ZNF184: variants seen among roughly 807,000 people sequenced by gnomAD.
The protein encoded by ZNF184 is zinc finger protein 184 (Kruppel-like).
In ZNF184, 16 loss-of-function variants were observed where a neutral mutation model predicts 54.4. The ratio of observed to expected loss-of-function variants is 0.29; its 90% confidence interval spans 0.20 to 0.45. The LOEUF is 0.45. Among genes scored for constraint, ZNF184 ranks in the 20% least tolerant of loss-of-function variants. ZNF184 has a pLI of 1.00. For synonymous variants in ZNF184, 254 were observed against 295.3 expected (o/e 0.86, Z 1.43); for missense variants, 681 against 888.2 (o/e 0.77, Z 2.97).
In ZNF184 at chr6:27,450,915, AC is replaced by A. The variant is rs1252669061; in HGVS notation, c.*387del. 6.3e-6 allele frequency: 1 copy of A among 158,018 alleles called. No individual in the cohort carries two copies. The highest frequency in any genetic ancestry group is 2.5e-5 in the African/African-American group (1 of 40,636). The allele number at this position is 158,018 out of a possible 1,614,324, so 9.8% of individuals were successfully genotyped here. A position where few individuals can be genotyped will look rare whatever the true frequency, so the allele number is the denominator to read the frequency against. On this transcript the variant is annotated 3_prime_UTR_variant, in exon 6 of 6. Coordinates refer to ENST00000683788, the MANE Select transcript of ZNF184 (RefSeq NM_001318891.2). ...AGATCCCCGATCTAGTTACTGAAGC[AC>A]AAATTCTATTGGCAAAACATGCATA...
chr6:27,467,869 G>C lies in ZNF184; in HGVS notation c.59C>G (p.Ser20Ter). 1.2e-5 allele frequency: 19 copies of C among 1,611,984 alleles called. No individual in the cohort carries two copies. Among genetic ancestry groups the C allele is most frequent in the Non-Finnish European group, 1.6e-5 (19 of 1,179,098 alleles). The change falls in exon 3 of 6, where the codon TCA (serine) becomes TGA (stop). Residue 20 changes from serine (S) to a stop codon, truncating the protein, a stop_gained. Coordinates refer to ENST00000683788, the MANE Select transcript of ZNF184 (RefSeq NM_001318891.2). LOFTEE classifies it high-confidence loss of function. ...ACATCTTACCTGAAAACTGGCTGAT[G>C]AGAGTAGATTATGTCCCCCTTGGAG... The part of the protein sequence containing the change: ...TLLQGGHNLL[S>*]SASFQEAVTF...
chr6:27,436,648 T>C, the ZNF184 span, among the ~76,000 whole-genome samples: 1 of 152,226 alleles, frequency 6.6e-6, no homozygotes, highest in Non-Finnish European at 1.5e-5. Flanking sequence ...GTATAATTCT[T>C]TTAATATGTT....
downstream of ZNF184, among the ~76,000 whole-genome samples, chr6:27,449,467 T>C (rs1762674759): frequency 6.6e-6 from 1 of 152,224 alleles, no homozygotes; most frequent in Non-Finnish European, 1.5e-5. Flanking sequence ...TCGATTTTAA[T>C]TTGGGGCCAA....
At chr6:27,423,739 A>G in the ZNF184 span, among the ~76,000 whole-genome samples, 51 of 152,356 alleles carry the variant, frequency 3.3e-4, 1 homozygote, top group African/African-American at 9.4e-4. Context: ...ATATACAAAG[A>G]AAGATTATGT....
Position 27,451,375 on chromosome 6 carries a change from A to G in ZNF184, c.2184T>C (p.Cys728=). The change falls in exon 6 of 6, where the codon TGT becomes TGC. Residue 728 remains cysteine (C), a synonymous_variant. Coordinates refer to ENST00000683788, the MANE Select transcript of ZNF184 (RefSeq NM_001318891.2). The part of the protein sequence containing the change: ...RIHSGEKPFG[C]NDCGKSFRYR... ...ATCTGAAGGATTTTCCACAATCATT[A>G]CATCCAAAAGGCTTCTCTCCTGAAT... 1 of 1,614,118 alleles carries G rather than the reference A, an allele frequency of 6.2e-7. No homozygotes were observed. Among genetic ancestry groups the G allele is most frequent in the South Asian group, 1.1e-5 (1 of 91,062 alleles).
intron 5 of ZNF184, 107 bp downstream of exon 5, chr6:27,456,719 A>G (rs1314638554): frequency 9.5e-6 from 9 of 949,880 alleles, no homozygotes; most frequent in Middle Eastern, 2.2e-4. Flanking sequence ...TCCACAGGAA[A>G]TACTTTAAAG....
At chr6:27,419,705 C>CT in the ZNF184 span, among the ~76,000 whole-genome samples, 90,362 of 151,924 alleles carry the variant, frequency 0.59, 27,222 homozygotes, top group Middle Eastern at 0.75. The surrounding 1 kb of genome is among the most constrained non-coding windows in gnomAD (Gnocchi z 4.8). Flanking sequence ...CCACAACAAT[C>CT]TTACAGCAAA....
chr6:27,432,258 C>A, the ZNF184 span, among the ~76,000 whole-genome samples: 1 of 152,108 alleles, frequency 6.6e-6, no homozygotes, highest in East Asian at 1.9e-4. The surrounding 1 kb of genome is among the most constrained non-coding windows in gnomAD (Gnocchi z 4.0). Flanking sequence ...GCATGATGGG[C>A]CAATAACTTG....
chr6:27,412,843 C>T, the ZNF184 span, among the ~76,000 whole-genome samples: 7 of 152,094 alleles, frequency 4.6e-5, no homozygotes, highest in Non-Finnish European at 1.0e-4. Context: ...CACTGTACTC[C>T]AGTCTGAGTG....
the ZNF184 span, among the ~76,000 whole-genome samples, chr6:27,424,229 G>A: frequency 2.6e-4 from 39 of 152,152 alleles, 1 homozygote; most frequent in Non-Finnish European, 4.4e-5. Context: ...TGAGGTCTCT[G>A]GTTTCAGGAA....
the ZNF184 span, among the ~76,000 whole-genome samples, chr6:27,409,881 A>C: frequency 5.3e-5 from 8 of 152,344 alleles, no homozygotes; most frequent in East Asian, 7.7e-4. Flanking sequence ...CCAGTCCTAT[A>C]AGCTCTATTC....
the ZNF184 span, chr6:27,406,098 A>G: frequency 6.6e-6 from 1 of 152,208 alleles, no homozygotes; most frequent in African/African-American, 2.4e-5. Context: ...GGGGCTATAC[A>G]TATAGCCCTG....
At chr6:27,462,706 T>C (rs1319148403) in intron 3 of ZNF184, among the ~76,000 whole-genome samples, 2 of 149,840 alleles carry the variant, frequency 1.3e-5, no homozygotes, top group Non-Finnish European at 3.0e-5. Context: ...CTACTAAAAG[T>C]GCAAAAAAAT....
chr6:27,404,288 T>C, the ZNF184 span: 8 of 152,200 alleles, frequency 5.3e-5, no homozygotes, highest in African/African-American at 1.9e-4. Flanking sequence ...ATACTTAGAA[T>C]TAAGATGAAT....
chr6:27,449,787 C>G (rs1037937014), downstream of ZNF184, among the ~76,000 whole-genome samples: 1 of 151,972 alleles, frequency 6.6e-6, no homozygotes, highest in African/African-American at 2.4e-5. Context: ...TAACTTTGCT[C>G]TACTCTCTCA....
intron 2 of ZNF184, among the ~76,000 whole-genome samples, chr6:27,468,870 G>A (rs1188245976): frequency 6.6e-6 from 1 of 152,166 alleles, no homozygotes; most frequent in African/African-American, 2.4e-5. Context: ...AACTGACTGG[G>A]CAGAGGCACA....
chr6:27,422,147 AAAAAG>A, the ZNF184 span, among the ~76,000 whole-genome samples: 43 of 49,752 alleles, frequency 8.6e-4, 2 homozygotes, highest in African/African-American at 2.9e-3. Context: ...CCTCAAAAAA[AAAAAG>A]AAAGAAAGAA....
chr6:27,462,970 T>A (rs1477139208), intron 3 of ZNF184, among the ~76,000 whole-genome samples: 1 of 148,196 alleles, frequency 6.7e-6, no homozygotes, highest in Non-Finnish European at 1.5e-5. Flanking sequence ...GACGTTAGAG[T>A]TAACAGACAA....
At chr6:27,425,208 C>G in the ZNF184 span, among the ~76,000 whole-genome samples, 1 of 152,244 alleles carries the variant, frequency 6.6e-6, no homozygotes, top group Non-Finnish European at 1.5e-5. Flanking sequence ...TCGCGCCTCT[C>G]CCTCCACACC....
Sources: gnomAD v4.1 joint callset for allele counts (sites outside exome capture counted in the v4.1 genomes callset) on GRCh38, gnomAD v4.1.1 for gene constraint, Gnocchi (gnomAD v3.1) non-coding constraint, MANE v1.5 for transcripts, NCBI Gene and HGNC (gene_info 2026-07-23, HGNC 2026-07-21) for gene names.